Variants in NAT10 observed in about 807,000 individuals in gnomAD.
NAT10 encodes the protein RNA cytidine acetyltransferase.
In NAT10, 109 loss-of-function variants were observed where a neutral mutation model predicts 132.2. The ratio of observed to expected loss-of-function variants is 0.82; its 90% CI spans 0.71 to 0.97. The LOEUF is 0.97. Ranked by LOEUF, NAT10 falls within the 50% of genes least tolerant of loss-of-function variation. The pLI, the probability that NAT10 is intolerant of heterozygous loss-of-function variation, is 0.00. For missense variants in NAT10, 1,184 were observed against 1,263.4 expected, an observed-to-expected ratio of 0.94 and a Z score of 0.95; for synonymous variants, 479 against 478.0, an observed-to-expected ratio of 1.00 and a Z score of -0.03.
In NAT10 at chr11:34,112,197, A is replaced by G; in HGVS notation, c.346A>G (p.Asn116Asp). ...YYNETHKILG[N>D]TFGMCVLQDF... is the part of the protein sequence containing the mutation. ...CAACGAGACCCACAAGATCCTGGGC[A>G]ATACCTTCGGCATGTGTGTGCTGCA... The change falls in exon 4 of 29, where the codon AAT becomes GAT. Residue 116 changes from asparagine (N) to aspartate (D), a missense_variant. By Grantham distance (23) the Asn-to-Asp change is conservative (BLOSUM62 1). Transcript: ENST00000257829. 3 of 1,614,240 alleles carry G rather than the reference A, an allele frequency of 1.9e-6. No individual in the cohort carries two copies. The highest frequency in any genetic ancestry group is 2.5e-6 in the Non-Finnish European group (3 of 1,180,036).
chr11:34,135,188 G>C lies in NAT10; in HGVS notation c.1925G>C (p.Ser642Thr), dbSNP rs1852186458. 1.2e-6 allele frequency: 2 copies of C among 1,613,940 alleles called. No individual in the cohort carries two copies. The change falls in exon 19 of 29, where the codon AGC (serine) becomes ACC (threonine). Residue 642 changes from serine to threonine, a missense_variant. Ser to Thr is a moderately conservative substitution (Grantham distance 58). Coordinates refer to ENST00000257829, the MANE Select transcript of NAT10 (RefSeq NM_024662.3). ...HPDYQGMGYG[S>T]RALQLLQMYY... ...GTTTGCTCCTAGATGGGCTATGGCA[G>C]CCGTGCTCTGCAGCTGCTGCAGATG...
intron 18 of NAT10, among the ~76,000 whole-genome samples, 188 bp from the exon 19 acceptor site, chr11:34,134,987 C>T (rs376128331): frequency 2.0e-5 from 3 of 152,216 alleles, no homozygotes; most frequent in East Asian, 1.9e-4. Context: ...GTTAAGAACT[C>T]GGGTCACACT....
Position 34,141,811 on chromosome 11 carries a change from C to T in NAT10, c.2805C>T (p.Asp935=), listed in dbSNP as rs138294295. ...VMEPTMKTLS[D]DLDEAAKEFQ... ...AGCCCACGATGAAGACCCTCAGTGA[C>T]GACCTAGTATGTCCCTGCTCATGGC... The change falls in exon 26 of 29, where the codon GAC becomes GAT. Residue 935 remains aspartate, a synonymous_variant. Transcript: ENST00000257829. The T allele has an allele frequency of 5.1e-5, 82 of 1,613,364 alleles. No homozygotes were observed. The highest frequency in any genetic ancestry group is 1.1e-4 in the African/African-American group (8 of 74,926).
At chr11:34,144,597 G>C (rs551150269) in intron 28 of NAT10, among the ~76,000 whole-genome samples, 1 of 152,326 alleles carries the variant, frequency 6.6e-6, no homozygotes, top group Non-Finnish European at 1.5e-5. Flanking sequence ...AATACATTTT[G>C]ACCTTGTGGA....
intron 11 of NAT10, among the ~76,000 whole-genome samples, chr11:34,126,251 A>G (rs1851992031): frequency 1.3e-5 from 2 of 152,144 alleles, no homozygotes; most frequent in Admixed American, 1.3e-4. Flanking sequence ...ACCCCTTTCC[A>G]TCCTATTTCC....
rs771382736 is a variant in NAT10, at chr11:34,134,350, C to A, written c.1766C>A (p.Ser589Tyr). The change falls in exon 17 of 29, where the codon TCC becomes TAC. Residue 589 changes from serine to tyrosine, a missense_variant. By Grantham distance (144) the Ser-to-Tyr change is moderately radical. Coordinates refer to ENST00000257829, the MANE Select transcript of NAT10 (RefSeq NM_024662.3). The part of the protein sequence containing the change: ...VCLEGEISRQ[S>Y]ILNSLSRGKK... ...CTTGAAGGGGAGATTTCTCGCCAGT[C>A]CATCTTGAACAGTCTGTCTCGAGGC... 6.2e-7 allele frequency: 1 copy of A among 1,614,228 alleles called. No individual in the cohort carries two copies. Among genetic ancestry groups the A allele is most frequent in the Admixed American group, 1.7e-5 (1 of 60,032 alleles).
At chr11:34,113,998 A>T (rs571170186) in intron 5 of NAT10, among the ~76,000 whole-genome samples, 160 bp downstream of exon 5, 1 of 152,364 alleles carries the variant, frequency 6.6e-6, no homozygotes, top group South Asian at 2.1e-4. Context: ...AAAAGTCACT[A>T]CAGTTAAATC....
At chr11:34,128,798 T>G (rs932377287) in intron 12 of NAT10, among the ~76,000 whole-genome samples, 2 of 152,216 alleles carry the variant, frequency 1.3e-5, no homozygotes, top group African/African-American at 4.8e-5. Context: ...TAGAACATTT[T>G]TATCACCCCA....
chr11:34,130,883 C>G lies in NAT10; in HGVS notation c.1315C>G (p.Gln439Glu), dbSNP rs1446571309. ...QQLRQQSAQS[Q>E]VSTTAENKTT... ...GCTCCGTCAACAGAGCGCCCAGAGCCAGGTCAGCACCACTGCTGAGAATAA... is the reference window on the plus strand; with the variant it reads ...GCTCCGTCAACAGAGCGCCCAGAGCGAGGTCAGCACCACTGCTGAGAATAA... The change falls in exon 13 of 29, where the codon CAG becomes GAG. Residue 439 changes from glutamine to glutamate, a missense_variant. Physicochemically the swap from Gln to Glu is conservative, Grantham distance 29. Coordinates refer to ENST00000257829, the MANE Select transcript of NAT10 (RefSeq NM_024662.3). The G allele has an allele frequency of 6.2e-7, 1 of 1,614,216 alleles. No homozygotes were observed. Among genetic ancestry groups the G allele is most frequent in the Non-Finnish European group, 8.5e-7 (1 of 1,180,030 alleles).
rs1852349666 is a variant in NAT10, at chr11:34,142,283, A to G, written c.2820A>G (p.Ala940=). 1 of 1,614,060 alleles carries G rather than the reference A, an allele frequency of 6.2e-7. No homozygotes were observed. The highest frequency in any genetic ancestry group is 1.3e-5 in the African/African-American group (1 of 74,934). Residue 940 remains alanine (A), a synonymous_variant, in exon 27 of 29, where the codon GCA becomes GCG. Transcript: ENST00000257829. ...MKTLSDDLDE[A]AKEFQEKHKK... is the part of the protein sequence containing the mutation. ...TGGGTCCTTAACCACAGGATGAAGCAGCAAAGGAATTTCAGGAGAAACACA... is the reference window on the plus strand; with the variant it reads ...TGGGTCCTTAACCACAGGATGAAGCGGCAAAGGAATTTCAGGAGAAACACA...
chr11:34,133,229 A>C, intron 16 of NAT10, 87 bp downstream of exon 16: 2 of 1,068,158 alleles, frequency 1.9e-6, no homozygotes, highest in Non-Finnish European at 2.9e-6. Flanking sequence ...GCATTGTGGG[A>C]GTTTTGAAAC....
At chr11:34,115,942 C>T in intron 6 of NAT10, 58 bp downstream of exon 6, 2 of 1,563,030 alleles carry the variant, frequency 1.3e-6, no homozygotes, top group Non-Finnish European at 1.8e-6. Context: ...ACATTTTTAT[C>T]TTGGACTCAA....
rs565056107 is a variant in NAT10 at position 34,112,251 on chromosome 11, G to T, written c.372+28G>T. On this transcript the variant is annotated intron_variant, in intron 4 of 28. Transcript: ENST00000257829. Reference sequence around the variant, plus strand: ...GGGTGGCTTCCTCTAACCTGTGATTGAAGTCAGAGTCTTGAGGGTTGCTTG... The same window carrying T: ...GGGTGGCTTCCTCTAACCTGTGATTTAAGTCAGAGTCTTGAGGGTTGCTTG... 110 of 1,613,814 alleles carry T rather than the reference G, an allele frequency of 6.8e-5. No individual in the cohort carries two copies. The South Asian group carries it at 1.1e-3, about 17-fold the overall frequency.
In NAT10 at chr11:34,139,514, G is replaced by T. The variant is rs758875258; in HGVS notation, c.2419+19G>T. On this transcript the variant is annotated intron_variant, in intron 23 of 28. Transcript: ENST00000257829. ...CAGCCTGGTGAGCCGGGTGGGGACAGGGAGGAGGGTTGGGAATGGCTTGGC... is the reference window on the plus strand; with the variant it reads ...CAGCCTGGTGAGCCGGGTGGGGACATGGAGGAGGGTTGGGAATGGCTTGGC... 1.9e-6 allele frequency: 3 copies of T among 1,604,700 alleles called. No homozygotes were observed.
rs747197390 is a variant in NAT10, at chr11:34,112,121, C to T, written c.270C>T (p.Asp90=). The change falls in exon 4 of 29, where the codon GAC becomes GAT. Residue 90 remains aspartate (D), a synonymous_variant. Coordinates refer to ENST00000257829, the MANE Select transcript of NAT10 (RefSeq NM_024662.3). ...IKNGTLNIKQ[D]DPFELFIAAT... ...ATGGAACACTGAACATAAAGCAGGACGACCCCTTTGAACTCTTCATAGCAG... is the reference window on the plus strand; with the variant it reads ...ATGGAACACTGAACATAAAGCAGGATGACCCCTTTGAACTCTTCATAGCAG... The T allele has an allele frequency of 6.4e-5, 104 of 1,614,052 alleles. No individual in the cohort carries two copies. Among genetic ancestry groups the T allele is most frequent in the East Asian group, 2.7e-4 (12 of 44,892 alleles).
chr11:34,124,598 T>C (rs992215175), intron 11 of NAT10, among the ~76,000 whole-genome samples, 198 bp downstream of exon 11: 2 of 152,228 alleles, frequency 1.3e-5, no homozygotes, highest in African/African-American at 2.4e-5. Context: ...AACAAATATA[T>C]GTAGTTAGAT....
intron 16 of NAT10, among the ~76,000 whole-genome samples, chr11:34,133,989 A>G (rs1852157104): frequency 7.5e-6 from 1 of 133,696 alleles, no homozygotes. Context: ...CTTCTCTACT[A>G]AAAAAAAAAA....
intron 9 of NAT10, among the ~76,000 whole-genome samples, chr11:34,123,230 C>T (rs974051222): frequency 2.0e-5 from 3 of 152,210 alleles, no homozygotes; most frequent in African/African-American, 7.2e-5. Context: ...CCCAAGATCC[C>T]CCAGCAAGTC....
At chr11:34,116,156 A>G (rs1224964365) in intron 6 of NAT10, among the ~76,000 whole-genome samples, 7 of 152,180 alleles carry the variant, frequency 4.6e-5, no homozygotes, top group Non-Finnish European at 8.8e-5. Context: ...TAGCTTACTC[A>G]TCTTTTAAAT....
Sources: allele counts gnomAD v4.1 joint callset (sites outside exome capture counted in the v4.1 genomes callset), GRCh38; gene constraint gnomAD v4.1.1; transcripts MANE v1.5; gene names NCBI Gene and HGNC (gene_info 2026-07-23, HGNC 2026-07-21).